The following PDE4D variants were observed in gnomAD, a reference collection of about 807,000 sequenced individuals.
The protein encoded by PDE4D is phosphodiesterase 4D.
In PDE4D, 24 loss-of-function variants were observed where a neutral mutation model predicts 87.4. The observed-to-expected ratio is 0.27, with a 90% confidence interval of 0.20 to 0.39. PDE4D has a LOEUF of 0.39. PDE4D is among the 10% of genes least tolerant of loss of function. The probability of loss-of-function intolerance (pLI) is 1.00; values close to 1 mark genes in which losing one functional copy is unlikely to be tolerated. For missense variants in PDE4D, 714 were observed against 1,041.0 expected, an observed-to-expected ratio of 0.69 and a Z score of 4.32; for synonymous variants, 384 against 383.2, an observed-to-expected ratio of 1.00 and a Z score of -0.02.
upstream of PDE4D, among the ~76,000 whole-genome samples, chr5:59,895,566 G>A (rs1291755762): frequency 6.6e-6 from 1 of 152,216 alleles, no homozygotes; most frequent in Non-Finnish European, 1.5e-5. Context: ...GCCTAGGAGG[G>A]CACTAAGCCA....
chr5:60,059,121 T>C (rs1771123407), intron 2 of PDE4D, among the ~76,000 whole-genome samples: 1 of 150,834 alleles, frequency 6.6e-6, no homozygotes, highest in African/African-American at 2.4e-5. Context: ...GATACAGTAA[T>C]GGTGGATACA....
chr5:58,974,857 G>GACTC lies in PDE4D; in HGVS notation c.2233_2236dup (p.Ser746Ter), dbSNP rs1743318641. The GACTC allele has an allele frequency of 1.2e-6, 2 of 1,612,716 alleles. No individual in the cohort carries two copies. Among genetic ancestry groups the GACTC allele is most frequent in the Non-Finnish European group, 1.7e-6 (2 of 1,179,174 alleles). ...ACTGCCACTGTCCTTTTCCGTGTCT[G>GACTC]ACTCACCATCTTCCTCTAAAGTTAG... On this transcript the variant is annotated stop_gained and frameshift_variant, in exon 15 of 15. Coordinates refer to ENST00000340635, the MANE Select transcript of PDE4D (RefSeq NM_001104631.2). LOFTEE classifies it high-confidence loss of function.
intron 1 of PDE4D, among the ~76,000 whole-genome samples, chr5:60,500,407 G>T (rs548476976): frequency 6.9e-4 from 105 of 152,342 alleles, no homozygotes; most frequent in African/African-American, 2.4e-3. Context: ...TATTTATAAT[G>T]CATCTTATGT....
chr5:59,629,270 A>G (rs1279161908), intron 1 of PDE4D, among the ~76,000 whole-genome samples: 1 of 152,134 alleles, frequency 6.6e-6, no homozygotes, highest in East Asian at 1.9e-4. Flanking sequence ...CTAACCTCTC[A>G]GTACCCTAGA....
At chr5:60,410,582 T>A (rs1741963775) in intron 1 of PDE4D, among the ~76,000 whole-genome samples, 1 of 152,252 alleles carries the variant, frequency 6.6e-6, no homozygotes. Flanking sequence ...CCCATCTGGA[T>A]GAGATGTCAG....
intron 1 of PDE4D, among the ~76,000 whole-genome samples, chr5:60,331,086 G>C (rs761547145): frequency 6.6e-6 from 1 of 152,178 alleles, no homozygotes; most frequent in Non-Finnish European, 1.5e-5. Flanking sequence ...GTCACCAAGT[G>C]CAAGGACCAG....
intron 1 of PDE4D, among the ~76,000 whole-genome samples, chr5:60,200,771 C>T (rs1741806572): frequency 1.3e-5 from 2 of 152,028 alleles, no homozygotes; most frequent in African/African-American, 4.8e-5. Context: ...ACACAAGATC[C>T]ATATTATTCA....
intron 1 of PDE4D, among the ~76,000 whole-genome samples, chr5:60,473,177 A>G (rs1747980434): frequency 7.1e-6 from 1 of 141,416 alleles, no homozygotes; most frequent in African/African-American, 2.6e-5. Context: ...GGAAGGAAGG[A>G]AGGAAAAAGA....
intron 5 of PDE4D, among the ~76,000 whole-genome samples, chr5:59,082,691 T>C (rs551469490): frequency 1.3e-5 from 2 of 152,294 alleles, no homozygotes; most frequent in East Asian, 3.9e-4. Context: ...ACTTGAAGAA[T>C]ATATCTAGTT....
intron 1 of PDE4D, among the ~76,000 whole-genome samples, chr5:59,455,023 T>C (rs1279229944): frequency 6.6e-6 from 1 of 152,148 alleles, no homozygotes; most frequent in African/African-American, 2.4e-5. Flanking sequence ...TTCAGTTTTA[T>C]AAGGGAAGCA....
At chr5:60,517,238 G>A (rs1750840908) in intron 1 of PDE4D, among the ~76,000 whole-genome samples, 1 of 152,254 alleles carries the variant, frequency 6.6e-6, no homozygotes, top group Non-Finnish European at 1.5e-5. Context: ...GGGGGGCCAA[G>A]GGGGAGCTGA....
chr5:59,930,839 A>G (rs1755830745), intron 3 of PDE4D, among the ~76,000 whole-genome samples: 1 of 152,252 alleles, frequency 6.6e-6, no homozygotes, highest in Non-Finnish European at 1.5e-5. Context: ...AGGTATGACT[A>G]TTGCCAGAAA....
intron 1 of PDE4D, among the ~76,000 whole-genome samples, chr5:60,295,885 C>T (rs571148436): frequency 7.2e-5 from 11 of 152,318 alleles, no homozygotes; most frequent in Non-Finnish European, 1.3e-4. Context: ...GCCACAAACA[C>T]AATGGCTTAT....
chr5:60,119,306 G>C (rs1309656898), intron 2 of PDE4D, among the ~76,000 whole-genome samples: 1 of 152,176 alleles, frequency 6.6e-6, no homozygotes, highest in Non-Finnish European at 1.5e-5. Context: ...ACCTAAGAAA[G>C]TTCTGTAAGT....
At chr5:60,213,423 A>C (rs1743480718) in intron 1 of PDE4D, among the ~76,000 whole-genome samples, 1 of 152,126 alleles carries the variant, frequency 6.6e-6, no homozygotes, top group Non-Finnish European at 1.5e-5. Flanking sequence ...CCATCATACT[A>C]TACGTTCTTG....
At chr5:60,111,017 A>C (rs1777619554) in intron 2 of PDE4D, among the ~76,000 whole-genome samples, 1 of 152,010 alleles carries the variant, frequency 6.6e-6, no homozygotes. Context: ...ATGGGGGAAG[A>C]GGAGGATGGG....
intron 3 of PDE4D, among the ~76,000 whole-genome samples, chr5:59,949,203 G>A (rs535780730): frequency 2.6e-5 from 4 of 152,264 alleles, no homozygotes; most frequent in African/African-American, 4.8e-5. Flanking sequence ...AGGCCAAGGC[G>A]GGTGGATCAC....
At chr5:59,494,494 G>C (rs1423501118) in intron 1 of PDE4D, among the ~76,000 whole-genome samples, 1 of 152,082 alleles carries the variant, frequency 6.6e-6, no homozygotes, top group Non-Finnish European at 1.5e-5. Context: ...AAAACACCTA[G>C]AAATTTATTT....
chr5:59,043,860 C>T (rs796624929), intron 5 of PDE4D, among the ~76,000 whole-genome samples: 1 of 152,280 alleles, frequency 6.6e-6, no homozygotes, highest in South Asian at 2.1e-4. Context: ...CCAATTTCAT[C>T]CATGTTCCTA....
Sources: gnomAD v4.1 joint callset for allele counts (sites outside exome capture counted in the v4.1 genomes callset) on GRCh38, gnomAD v4.1.1 for gene constraint, MANE v1.5 for transcripts, NCBI Gene and HGNC (gene_info 2026-07-23, HGNC 2026-07-21) for gene names.